Variants in ARSG observed in about 807,000 individuals in gnomAD.
ARSG encodes arylsulfatase G, also known as ASG.
Under a neutral mutation model 50.5 loss-of-function variants are expected in ARSG, and 37 were observed. That is an observed-to-expected ratio of 0.73 (90% confidence interval 0.56 to 0.96). ARSG has a LOEUF of 0.96. ARSG is among the 50% of genes least tolerant of loss of function. The probability of loss-of-function intolerance (pLI) is 0.00; values close to 1 mark genes in which losing one functional copy is unlikely to be tolerated. For missense variants in ARSG, 629 were observed against 675.3 expected, an observed-to-expected ratio of 0.93 and a Z score of 0.76; for synonymous variants, 225 against 254.6, an observed-to-expected ratio of 0.88 and a Z score of 1.11.
the ARSG span, chr17:68,444,574 G>A: frequency 6.2e-7 from 1 of 1,613,782 alleles, no homozygotes; most frequent in East Asian, 2.2e-5. Context: ...GACTCTTCTA[G>A]GCAAACCAGC....
chr17:68,430,764 T>C, the ARSG span, among the ~76,000 whole-genome samples: 5 of 152,112 alleles, frequency 3.3e-5, no homozygotes, highest in Non-Finnish European at 5.9e-5. Context: ...GGGGTGACTG[T>C]TCTGTTGGTG....
chr17:68,276,849 T>C (rs2075539536), intron 1 of ARSG, among the ~76,000 whole-genome samples: 1 of 152,200 alleles, frequency 6.6e-6, no homozygotes, highest in Admixed American at 6.5e-5. Context: ...AGACCTGGCA[T>C]GTATATTCAA....
At chr17:68,389,429 T>C (rs1007206958) in intron 9 of ARSG, among the ~76,000 whole-genome samples, 10 of 151,908 alleles carry the variant, frequency 6.6e-5, no homozygotes, top group African/African-American at 2.4e-4. Flanking sequence ...GAGCATAGGC[T>C]TGCCCCTCAT....
chr17:68,316,569 T>A (rs2077077934), intron 2 of ARSG, among the ~76,000 whole-genome samples: 1 of 152,244 alleles, frequency 6.6e-6, no homozygotes. Flanking sequence ...GGAACTAGAC[T>A]GCCTTGGTCT....
intron 2 of ARSG, among the ~76,000 whole-genome samples, chr17:68,334,082 G>A (rs1483803350): frequency 2.6e-5 from 4 of 152,138 alleles, no homozygotes; most frequent in African/African-American, 9.7e-5. Context: ...GTTCTGGAGG[G>A]AGGACCTCAC....
chr17:68,369,877 G>A (rs1239893895), intron 7 of ARSG, among the ~76,000 whole-genome samples: 1 of 152,188 alleles, frequency 6.6e-6, no homozygotes, highest in Admixed American at 6.5e-5. Context: ...GAGGAGGAAA[G>A]GCAAGGAAGG....
Position 68,378,235 on chromosome 17 carries a change from AAG to A in ARSG, c.983-6823_983-6822del, listed in dbSNP as rs748799936. On this transcript the variant is annotated intron_variant, in intron 8 of 11. Transcript: ENST00000621439. The surrounding 1 kb of genome is among the most constrained non-coding windows in gnomAD (Gnocchi z 4.4). ...AGGGGCCAGACTCAAGAGCAGATGA[AAG>A]AGAGAAGGCGGTCAATGTTTTCGCA... 3.3e-5 allele frequency among the ~76,000 whole-genome samples: 5 copies of A among 152,220 alleles called. No individual in the cohort carries two copies. The highest frequency in any genetic ancestry group is 7.3e-5 in the Non-Finnish European group (5 of 68,038).
intron 6 of ARSG, among the ~76,000 whole-genome samples, chr17:68,360,959 G>C (rs947136442): frequency 6.6e-6 from 1 of 152,052 alleles, no homozygotes; most frequent in African/African-American, 2.4e-5. Flanking sequence ...CGAGTAGCTG[G>C]GATTACAGGC....
the ARSG span, among the ~76,000 whole-genome samples, chr17:68,445,695 T>C: frequency 3.3e-5 from 5 of 152,208 alleles, no homozygotes; most frequent in Non-Finnish European, 7.3e-5. Context: ...GGTTGATGTA[T>C]CGGGTGTTTA....
At chr17:68,296,013 G>A (rs2076194049) in intron 1 of ARSG, among the ~76,000 whole-genome samples, 1 of 152,130 alleles carries the variant, frequency 6.6e-6, no homozygotes, top group African/African-American at 2.4e-5. Context: ...TTAGCTGGGT[G>A]TGGTGGTGCT....
At chr17:68,450,785 T>A in the ARSG span, 2 of 1,614,048 alleles carry the variant, frequency 1.2e-6, no homozygotes, top group Non-Finnish European at 1.7e-6. Flanking sequence ...TACAGATCTC[T>A]GTGCCTTTCT....
chr17:68,370,572 C>T, intron 8 of ARSG, 48 bp downstream of exon 8: 1 of 1,572,776 alleles, frequency 6.4e-7, no homozygotes, highest in Non-Finnish European at 8.7e-7. Context: ...ATGCTGAGCC[C>T]AGGCTGGGGT....
chr17:68,327,040 A>G (rs1555772720), intron 2 of ARSG, among the ~76,000 whole-genome samples: 1 of 152,202 alleles, frequency 6.6e-6, no homozygotes, highest in Non-Finnish European at 1.5e-5. Context: ...TCCGAAGTCA[A>G]AGTCAGGGCT....
the ARSG span, chr17:68,436,240 T>C: frequency 8.2e-6 from 6 of 727,984 alleles, no homozygotes; most frequent in Middle Eastern, 4.0e-4. Context: ...GGAAATAGTA[T>C]CACCTTCTCT....
At chr17:68,274,596 T>G (rs2075450640) in intron 1 of ARSG, 1 of 152,342 alleles carries the variant, frequency 6.6e-6, no homozygotes, top group African/African-American at 2.4e-5. Flanking sequence ...GTATAAAACT[T>G]TTATCTATAT....
chr17:68,288,911 CA>C (rs1555754976), upstream of ARSG, among the ~76,000 whole-genome samples: 2 of 152,174 alleles, frequency 1.3e-5, no homozygotes, highest in South Asian at 2.1e-4. Context: ...TTCCAACTTA[CA>C]AAACTCGACA....
chr17:68,407,836 A>G (rs1275225129), intron 11 of ARSG, among the ~76,000 whole-genome samples: 1 of 152,020 alleles, frequency 6.6e-6, no homozygotes, highest in Non-Finnish European at 1.5e-5. Flanking sequence ...ACTGATTTGA[A>G]TGCCCTTTTA....
chr17:68,379,568 G>A (rs1314293785), intron 8 of ARSG, among the ~76,000 whole-genome samples: 2 of 151,430 alleles, frequency 1.3e-5, no homozygotes, highest in African/African-American at 4.9e-5. Context: ...GCGAGCCACT[G>A]CACTGGGCTG....
At chr17:68,395,281 A>T in intron 10 of ARSG, 88 bp downstream of exon 10, 1 of 1,560,514 alleles carries the variant, frequency 6.4e-7, no homozygotes, top group Non-Finnish European at 8.7e-7. Flanking sequence ...AACCATCATC[A>T]GAAGATGGTC....
Sources: allele counts gnomAD v4.1 joint callset (sites outside exome capture counted in the v4.1 genomes callset), GRCh38; gene constraint gnomAD v4.1.1; non-coding constraint Gnocchi (gnomAD v3.1); transcripts MANE v1.5; gene names NCBI Gene and HGNC (gene_info 2026-07-23, HGNC 2026-07-21).